The following AGMO variants were observed in gnomAD, a reference collection of about 807,000 sequenced individuals.
AGMO encodes alkylglycerol monooxygenase.
In AGMO, 75 loss-of-function variants were observed where a neutral mutation model predicts 60.2. That is an observed-to-expected ratio of 1.25 (90% CI 1.03 to 1.51). The LOEUF (loss-of-function observed/expected upper bound fraction) is 1.51, where lower values mean the gene tolerates loss of function less well. AGMO is among the 40% of genes most tolerant of loss of function. AGMO has a pLI of 0.00. For synonymous variants in AGMO, 261 were observed against 177.1 expected, an observed-to-expected ratio of 1.47 and a Z score of -3.76; for missense variants, 763 against 525.5, an observed-to-expected ratio of 1.45 and a Z score of -4.42.
At chr7:15,514,040 A>G (rs1783746221) in intron 3 of AGMO, among the ~76,000 whole-genome samples, 1 of 152,274 alleles carries the variant, frequency 6.6e-6, no homozygotes, top group South Asian at 2.1e-4. Context: ...AAAGCTTTTA[A>G]TACCACCAAT....
At chr7:15,410,390 A>C (rs935347542) in intron 5 of AGMO, among the ~76,000 whole-genome samples, 1 of 151,856 alleles carries the variant, frequency 6.6e-6, no homozygotes, top group African/African-American at 2.4e-5. Flanking sequence ...CAAAAAATAA[A>C]TAACAAAAAA....
chr7:15,278,137 A>G (rs1024877733), intron 12 of AGMO, among the ~76,000 whole-genome samples: 4 of 152,156 alleles, frequency 2.6e-5, no homozygotes, highest in Admixed American at 6.5e-5. Flanking sequence ...ACAGCTCTAC[A>G]CAGGAGGGGT....
intron 12 of AGMO, among the ~76,000 whole-genome samples, chr7:15,353,757 A>C (rs1260444893): frequency 6.6e-6 from 1 of 152,180 alleles, no homozygotes; most frequent in Non-Finnish European, 1.5e-5. Context: ...TACTTGAACA[A>C]AGTATTATTT....
Position 15,544,789 on chromosome 7 carries a change from A to T in AGMO, c.392T>A (p.Phe131Tyr). 6.2e-7 allele frequency: 1 copy of T among 1,603,288 alleles called. No individual in the cohort carries two copies. Among genetic ancestry groups the T allele is most frequent in the Non-Finnish European group, 8.5e-7 (1 of 1,175,326 alleles). Residue 131 changes from phenylalanine (F) to tyrosine (Y), a missense_variant, in exon 3 of 13, where the codon TTC becomes TAC. By Grantham distance (22) the Phe-to-Tyr change is conservative. Coordinates refer to ENST00000342526, the MANE Select transcript of AGMO (RefSeq NM_001004320.2). ...CAGCTTACCATGAGCCATACGATGG[A>T]ACCAGTAGTAGCCAAAGTCAACTCC... ...FLGVDFGYYWFHRMAHEVNIM... is the reference protein window; with the variant it reads ...FLGVDFGYYWYHRMAHEVNIM...
At chr7:15,318,863 C>G (rs1239634624) in intron 12 of AGMO, among the ~76,000 whole-genome samples, 2 of 152,106 alleles carry the variant, frequency 1.3e-5, no homozygotes, top group Non-Finnish European at 2.9e-5. Flanking sequence ...TTGATGCTGT[C>G]CACAAAATCC....
At chr7:15,169,420 G>T in the AGMO span, among the ~76,000 whole-genome samples, 3,456 of 152,038 alleles carry the variant, frequency 0.023, 112 homozygotes, top group African/African-American at 0.076. Flanking sequence ...GGCAATTGGT[G>T]TCTTTTTCTT....
chr7:15,355,231 G>A (rs996139611), intron 12 of AGMO, among the ~76,000 whole-genome samples: 34 of 152,130 alleles, frequency 2.2e-4, no homozygotes, highest in African/African-American at 4.3e-4. Context: ...GGCTGGGCAC[G>A]GTGGCTCACG....
chr7:15,371,189 CAAT>C (rs1783197220), intron 10 of AGMO, among the ~76,000 whole-genome samples: 1 of 152,004 alleles, frequency 6.6e-6, no homozygotes, highest in South Asian at 2.1e-4. Flanking sequence ...TACAATTAAT[CAAT>C]AATTTAATAT....
chr7:15,318,709 T>C lies in AGMO; in HGVS notation c.1263+46805A>G, dbSNP rs115632887. On this transcript the variant is annotated intron_variant, in intron 12 of 12. Coordinates refer to ENST00000342526, the MANE Select transcript of AGMO (RefSeq NM_001004320.2). ...ATCATAATTTAACCTTTTAATTTAA[T>C]TAAAATATTTTTAAAAATACGGGCT... Among the ~76,000 whole-genome samples, 1,445 of 152,338 alleles carry C rather than the reference T, an allele frequency of 9.5e-3. 29 individuals are homozygous for C. The highest frequency in any genetic ancestry group is 0.033 in the African/African-American group (1,367 of 41,578).
At chr7:15,452,830 A>G (rs141577704) in intron 3 of AGMO, among the ~76,000 whole-genome samples, 131 of 152,288 alleles carry the variant, frequency 8.6e-4, no homozygotes, top group Non-Finnish European at 1.5e-3. Flanking sequence ...AAACAACCCA[A>G]ATGTCCATGA....
the AGMO span, among the ~76,000 whole-genome samples, chr7:15,120,175 A>C: frequency 3.9e-5 from 6 of 152,092 alleles, no homozygotes; most frequent in African/African-American, 1.4e-4. Flanking sequence ...TCTTTCATTT[A>C]CTGTCTCCAC....
intron 9 of AGMO, among the ~76,000 whole-genome samples, chr7:15,386,614 A>AT (rs993744381): frequency 2.7e-4 from 41 of 152,254 alleles, no homozygotes; most frequent in African/African-American, 9.9e-4. Flanking sequence ...TTAGATCAGG[A>AT]TTTTTTCAAA....
At chr7:15,350,416 G>C (rs1782197928) in intron 12 of AGMO, among the ~76,000 whole-genome samples, 1 of 152,148 alleles carries the variant, frequency 6.6e-6, no homozygotes. Flanking sequence ...GTAAGCATGA[G>C]AGATGATGAT....
At chr7:15,375,042 G>C (rs907836196) in intron 10 of AGMO, among the ~76,000 whole-genome samples, 2 of 152,068 alleles carry the variant, frequency 1.3e-5, no homozygotes, top group Non-Finnish European at 2.9e-5. Flanking sequence ...CATTCACTAA[G>C]TAGAGAACAC....
At chr7:15,128,446 T>C in the AGMO span, among the ~76,000 whole-genome samples, 1 of 152,172 alleles carries the variant, frequency 6.6e-6, no homozygotes, top group Non-Finnish European at 1.5e-5. Context: ...TCAGTGCCTA[T>C]AAAACTGTTG....
intron 12 of AGMO, among the ~76,000 whole-genome samples, chr7:15,271,590 T>G (rs947322286): frequency 1.3e-5 from 2 of 152,188 alleles, no homozygotes; most frequent in African/African-American, 4.8e-5. Context: ...GTTTTCTAGG[T>G]ATACAACTAT....
the AGMO span, among the ~76,000 whole-genome samples, chr7:15,190,966 GGC>G: frequency 6.6e-6 from 1 of 151,754 alleles, no homozygotes; most frequent in African/African-American, 2.4e-5. Context: ...TGGCTAAATT[GGC>G]ATGAGAGTCT....
chr7:15,256,219 A>T (rs938607663), intron 12 of AGMO, among the ~76,000 whole-genome samples: 1 of 152,268 alleles, frequency 6.6e-6, no homozygotes, highest in African/African-American at 2.4e-5. Flanking sequence ...GGAGGTGAGC[A>T]GCCAGAGTTT....
intron 5 of AGMO, among the ~76,000 whole-genome samples, chr7:15,409,586 T>C (rs10257513): frequency 0.097 from 14,718 of 151,962 alleles, 844 homozygotes; most frequent in South Asian, 0.14. Context: ...ATATGTCTAC[T>C]CATACCCTTA....
Sources: gnomAD v4.1 joint callset for allele counts (sites outside exome capture counted in the v4.1 genomes callset) on GRCh38, gnomAD v4.1.1 for gene constraint, MANE v1.5 for transcripts, NCBI Gene and HGNC (gene_info 2026-07-23, HGNC 2026-07-21) for gene names.